TRMT10A: variants seen among roughly 807,000 people sequenced by gnomAD.
The protein encoded by TRMT10A is tRNA methyltransferase 10A.
TRMT10A carries 37 observed loss-of-function variants against 40.4 expected under a neutral mutation model. The observed-to-expected ratio is 0.92, with a 90% CI of 0.71 to 1.21. TRMT10A has a LOEUF of 1.21. Among genes scored for constraint, TRMT10A ranks in the 50% most tolerant of loss-of-function variants. The probability of loss-of-function intolerance (pLI) is 0.00; values close to 1 mark genes in which losing one functional copy is unlikely to be tolerated. For missense variants in TRMT10A, 388 were observed against 404.3 expected, an observed-to-expected ratio of 0.96 and a Z score of 0.35; for synonymous variants, 103 against 134.1, an observed-to-expected ratio of 0.77 and a Z score of 1.60.
At chr4:99,554,722 C>CAAAAAAAAAA (rs532448105) in intron 5 of TRMT10A, among the ~76,000 whole-genome samples, 1 of 90,882 alleles carries the variant, frequency 1.1e-5, no homozygotes, top group Non-Finnish European at 2.2e-5. Context: ...GACTACGTTT[C>CAAAAAAAAAA]AAAAAAAAAA....
chr4:99,560,662 G>C (rs1453506310), intron 1 of TRMT10A, among the ~76,000 whole-genome samples: 1 of 151,974 alleles, frequency 6.6e-6, no homozygotes, highest in Non-Finnish European at 1.5e-5. Flanking sequence ...GCCTAAAAAG[G>C]CTAGATGGAA....
At position 99,559,023 on chromosome 4, in the gene TRMT10A, A is replaced by G. The variant is rs562037541; in HGVS notation, c.185+131T>C. 1.8e-5 allele frequency: 18 copies of G among 1,010,504 alleles called. No homozygotes were observed. In the South Asian group the frequency reaches 2.4e-4, roughly 13 times the overall value. The allele number at this position is 1,010,504 out of a possible 1,614,324, so 62.6% of individuals were successfully genotyped here. A position where few individuals can be genotyped will look rare whatever the true frequency, so the allele number is the denominator to read the frequency against. On this transcript the variant is annotated intron_variant, in intron 2 of 7. Transcript: ENST00000394876. ...ATTTTCTTCTCTTGCGTTTTTCTTT[A>G]CGCTTTTGTCTAAAATTAGTAATTG...
intron 1 of TRMT10A, among the ~76,000 whole-genome samples, chr4:99,562,313 CT>C (rs1365330097): frequency 6.7e-6 from 1 of 150,330 alleles, no homozygotes; most frequent in Non-Finnish European, 1.5e-5. Flanking sequence ...AACTATCTCA[CT>C]TTGTAAGGCA....
At chr4:99,554,535 A>G (rs1421218773) in intron 5 of TRMT10A, among the ~76,000 whole-genome samples, 1 of 152,034 alleles carries the variant, frequency 6.6e-6, no homozygotes, top group Admixed American at 6.6e-5. Context: ...AGCCTGGCCA[A>G]CATGGTGAAA....
intron 7 of TRMT10A, 90 bp from the exon 8 acceptor site, chr4:99,549,446 G>C (rs1470679595): frequency 4.7e-6 from 7 of 1,494,972 alleles, no homozygotes; most frequent in East Asian, 4.5e-5. Flanking sequence ...TTTGTGTTAA[G>C]AGTGCTAGTT....
intron 6 of TRMT10A, 39 bp from the exon 7 acceptor site, chr4:99,551,029 ATTATT>A (rs764219968): frequency 2.8e-6 from 4 of 1,410,738 alleles, no homozygotes; most frequent in Non-Finnish European, 3.9e-6. Context: ...AGAACATTAA[ATTATT>A]TAAAGTTTCT....
rs1388578063 is a variant in TRMT10A, at chr4:99,549,374, T to G, written c.752-18A>C. 3 of 1,609,532 alleles carry G rather than the reference T, an allele frequency of 1.9e-6. No individual in the cohort carries two copies. Among genetic ancestry groups the G allele is most frequent in the Non-Finnish European group, 2.5e-6 (3 of 1,176,814 alleles). On this transcript the variant is annotated intron_variant, in intron 7 of 7. Transcript: ENST00000394876. ...TTCAAACACTGCAATAAAGACATAT[T>G]CCGTACATTTCTTAGCCAAGTTCAT...
chr4:99,563,842 T>C (rs1724572330), intron 1 of TRMT10A, 71 bp downstream of exon 1: 4 of 664,498 alleles, frequency 6.0e-6, no homozygotes, highest in Middle Eastern at 4.8e-4. Context: ...GGGGGCTGCA[T>C]GGCACGCGCC....
At chr4:99,549,399 TCA>T in intron 7 of TRMT10A, 43 bp from the exon 8 acceptor site, 1 of 1,601,276 alleles carries the variant, frequency 6.2e-7, no homozygotes, top group Non-Finnish European at 8.5e-7. Context: ...GCCAAGTTCA[TCA>T]CAATGCTGCA....
chr4:99,557,339 A>G lies in TRMT10A; in HGVS notation c.420+6T>C, dbSNP rs773245318. 4.3e-6 allele frequency: 7 copies of G among 1,609,658 alleles called. No individual in the cohort carries two copies. In the Admixed American group the frequency reaches 1.2e-4, roughly 27 times the overall value. On this transcript the variant is annotated splice_donor_region_variant and intron_variant, in intron 4 of 7. Coordinates refer to ENST00000394876, the MANE Select transcript of TRMT10A (RefSeq NM_001134665.3). Reference sequence around the variant, plus strand: ...CTAGAGTCTGCTTTAAAATCTTTACACATACCTGCACAGGATGCAGTGCCC... The same window carrying G: ...CTAGAGTCTGCTTTAAAATCTTTACGCATACCTGCACAGGATGCAGTGCCC...
chr4:99,553,595 A>T (rs1381526239), intron 6 of TRMT10A, among the ~76,000 whole-genome samples, 190 bp downstream of exon 6: 1 of 152,176 alleles, frequency 6.6e-6, no homozygotes, highest in Non-Finnish European at 1.5e-5. Flanking sequence ...AATAGCACTA[A>T]TCTCACTGGG....
rs2110178832 is a variant in TRMT10A at position 99,547,549 on chromosome 4, T to G, written c.*1539A>C. 6.6e-6 allele frequency: 1 copy of G among 152,232 alleles called. No homozygotes were observed. Among genetic ancestry groups the G allele is most frequent in the Non-Finnish European group, 1.5e-5 (1 of 67,990 alleles). The allele number at this position is 152,232 out of a possible 1,614,324, so 9.4% of individuals were successfully genotyped here. A position where few individuals can be genotyped will look rare whatever the true frequency, so the allele number is the denominator to read the frequency against. On this transcript the variant is annotated 3_prime_UTR_variant, in exon 8 of 8. Transcript: ENST00000394876. The stretch of plus-strand genomic sequence containing the variant: ...TAAAAGGCATAATATTTCATGCTAA[T>G]AAACCACATTTACTCAGAAAAACAT...
At chr4:99,561,793 C>T (rs1484239074) in intron 1 of TRMT10A, among the ~76,000 whole-genome samples, 1 of 152,088 alleles carries the variant, frequency 6.6e-6, no homozygotes, top group Non-Finnish European at 1.5e-5. Flanking sequence ...TTTTTCATTC[C>T]TTTCTCACAT....
Position 99,550,879 on chromosome 4 carries a change from G to A in TRMT10A, c.751+6C>T, listed in dbSNP as rs1043513557. 1 of 1,602,826 alleles carries A rather than the reference G, an allele frequency of 6.2e-7. No individual in the cohort carries two copies. Among genetic ancestry groups the A allele is most frequent in the Non-Finnish European group, 8.5e-7 (1 of 1,170,764 alleles). On this transcript the variant is annotated splice_donor_region_variant and intron_variant, in intron 7 of 7. Coordinates refer to ENST00000394876, the MANE Select transcript of TRMT10A (RefSeq NM_001134665.3). Reference sequence around the variant, plus strand: ...GTATATTTTCAGTTTATCCCTTACAGCTTACCATGATTAACTGCCAAAACT... The same window carrying A: ...GTATATTTTCAGTTTATCCCTTACAACTTACCATGATTAACTGCCAAAACT...
intron 6 of TRMT10A, among the ~76,000 whole-genome samples, chr4:99,551,527 G>A (rs1723963929): frequency 6.6e-6 from 1 of 152,134 alleles, no homozygotes; most frequent in African/African-American, 2.4e-5. Context: ...GATGCTGGAA[G>A]AAACAAACCT....
In TRMT10A at chr4:99,548,120, A is replaced by G. The variant is rs902930317; in HGVS notation, c.*968T>C. On this transcript the variant is annotated 3_prime_UTR_variant, in exon 8 of 8. Coordinates refer to ENST00000394876, the MANE Select transcript of TRMT10A (RefSeq NM_001134665.3). ...TGGCAATTCAATCATGTTATCATCA[A>G]TTAAGAACTGAGAGCCATACATGAT... The G allele has an allele frequency of 4.6e-5, 7 of 152,284 alleles. No individual in the cohort carries two copies. Among genetic ancestry groups the G allele is most frequent in the African/African-American group, 1.4e-4 (6 of 41,588 alleles). The allele number at this position is 152,284 out of a possible 1,614,324, so 9.4% of individuals were successfully genotyped here. A position where few individuals can be genotyped will look rare whatever the true frequency, so the allele number is the denominator to read the frequency against.
chr4:99,553,409 G>A (rs1724037968), intron 6 of TRMT10A, among the ~76,000 whole-genome samples: 1 of 152,132 alleles, frequency 6.6e-6, no homozygotes, highest in Non-Finnish European at 1.5e-5. Context: ...AGTTCCAATG[G>A]CTTAGCAATT....
At chr4:99,560,632 G>A (rs559944626) in intron 1 of TRMT10A, among the ~76,000 whole-genome samples, 2 of 152,032 alleles carry the variant, frequency 1.3e-5, no homozygotes, top group Admixed American at 6.6e-5. Flanking sequence ...TAAGAAACTG[G>A]AGGTGGGGAA....
intron 6 of TRMT10A, among the ~76,000 whole-genome samples, chr4:99,551,993 T>C (rs1402244602): frequency 6.6e-6 from 1 of 152,034 alleles, no homozygotes; most frequent in Non-Finnish European, 1.5e-5. Context: ...TAAGGATATA[T>C]GAAGAAAATA....
Sources: allele counts gnomAD v4.1 joint callset (sites outside exome capture counted in the v4.1 genomes callset), GRCh38; gene constraint gnomAD v4.1.1; transcripts MANE v1.5; gene names NCBI Gene and HGNC (gene_info 2026-07-23, HGNC 2026-07-21).